Variants in ERC1 observed in about 807,000 individuals in gnomAD.
The protein encoded by ERC1 is RAB6 interacting protein 2.
ERC1 carries 56 observed loss-of-function variants against 132.0 expected under a neutral mutation model. The observed-to-expected ratio is 0.42, with a 90% CI of 0.34 to 0.53. The LOEUF is 0.53. Ranked by LOEUF, ERC1 falls within the 20% of genes least tolerant of loss-of-function variation. The pLI is 0.03. For missense variants in ERC1, 1,202 were observed against 1,349.9 expected (o/e 0.89, Z 1.72); for synonymous variants, 478 against 476.1 (o/e 1.00, Z -0.05).
At chr12:1,203,472 T>G (rs952911024) in intron 12 of ERC1, among the ~76,000 whole-genome samples, 2 of 152,256 alleles carry the variant, frequency 1.3e-5, no homozygotes, top group African/African-American at 4.8e-5. Flanking sequence ...CTTGTCCTTC[T>G]TATCTGTTTT....
intron 15 of ERC1, among the ~76,000 whole-genome samples, chr12:1,323,605 A>G (rs1392987640): frequency 6.6e-6 from 1 of 152,204 alleles, no homozygotes; most frequent in African/African-American, 2.4e-5. Flanking sequence ...ACTAGAATAC[A>G]TTCACTTACA....
chr12:1,002,989 G>A (rs1962715030), intron 1 of ERC1, among the ~76,000 whole-genome samples: 1 of 150,344 alleles, frequency 6.7e-6, no homozygotes, highest in South Asian at 2.1e-4. Context: ...CGTGGCTCAT[G>A]CCTGTAATCC....
intron 14 of ERC1, among the ~76,000 whole-genome samples, chr12:1,280,243 T>C (rs748847894): frequency 3.3e-4 from 50 of 152,232 alleles, no homozygotes; most frequent in Non-Finnish European, 6.5e-4. Context: ...GGCTTCCCGC[T>C]GATTTTTATA....
intron 15 of ERC1, among the ~76,000 whole-genome samples, chr12:1,314,091 A>G (rs1289954240): frequency 6.6e-6 from 1 of 152,162 alleles, no homozygotes; most frequent in Non-Finnish European, 1.5e-5. Context: ...CATCCTGTCT[A>G]CTTCATCAGT....
chr12:1,194,065 G>A (rs1955990153), intron 12 of ERC1, among the ~76,000 whole-genome samples: 1 of 152,140 alleles, frequency 6.6e-6, no homozygotes, highest in South Asian at 2.1e-4. Flanking sequence ...CCTAAAATGA[G>A]CATATTAGAG....
At chr12:1,323,172 A>T (rs1463491148) in intron 15 of ERC1, among the ~76,000 whole-genome samples, 2 of 95,838 alleles carry the variant, frequency 2.1e-5, no homozygotes, top group Non-Finnish European at 5.6e-5. Flanking sequence ...TTTGGACGTA[A>T]GTGTGCAATG....
Position 1,151,465 on chromosome 12 carries a change from A to G in ERC1, c.1737+9678A>G, listed in dbSNP as rs562033684. ...ACAGATTTGATCTAAGAAAGACTCA[A>G]TGCAAGAAATCCCTGTTATATTCCA... On this transcript the variant is annotated intron_variant, in intron 8 of 18. Coordinates refer to ENST00000360905, the MANE Select transcript of ERC1 (RefSeq NM_178040.4). 3.3e-5 allele frequency among the ~76,000 whole-genome samples: 5 copies of G among 152,342 alleles called. No individual in the cohort carries two copies. In the South Asian group the frequency reaches 6.2e-4, roughly 19 times the overall value.
chr12:1,068,589 C>T (rs1041710043), intron 2 of ERC1, among the ~76,000 whole-genome samples: 7 of 129,766 alleles, frequency 5.4e-5, no homozygotes, highest in Non-Finnish European at 8.8e-5. Flanking sequence ...GTTAAAAGCC[C>T]TTGAAAAAAT....
intron 2 of ERC1, among the ~76,000 whole-genome samples, chr12:1,033,876 C>T (rs1040999746): frequency 1.3e-5 from 2 of 151,482 alleles, no homozygotes; most frequent in Non-Finnish European, 2.9e-5. Context: ...GTGATCTGCC[C>T]GCCTCAACCT....
At chr12:1,444,420 A>C in intron 17 of ERC1, 142 bp from the exon 18 acceptor site, 1 of 578,390 alleles carries the variant, frequency 1.7e-6, no homozygotes, top group Non-Finnish European at 2.9e-6. Context: ...AATCCTGAAG[A>C]TTTCAGTAGT....
In ERC1 at chr12:1,019,388, G is replaced by T. The variant is rs550761599; in HGVS notation, c.-156-8360G>T. Among the ~76,000 whole-genome samples the T allele has an allele frequency of 1.3e-4, 20 of 152,328 alleles. No individual in the cohort carries two copies. The South Asian group carries it at 3.9e-3, about 30-fold the overall frequency. ...GATCATCCTGCCTCGGGTTCCCGAA[G>T]TGCTGGGGTTATAGGTATGAGCCAC... On this transcript the variant is annotated intron_variant, in intron 1 of 18. Coordinates refer to ENST00000360905, the MANE Select transcript of ERC1 (RefSeq NM_178040.4).
intron 16 of ERC1, among the ~76,000 whole-genome samples, chr12:1,397,218 T>C (rs1371010333): frequency 6.6e-6 from 1 of 152,174 alleles, no homozygotes; most frequent in Non-Finnish European, 1.5e-5. Flanking sequence ...GAATGCAAAA[T>C]GTAGACCTCT....
intron 2 of ERC1, among the ~76,000 whole-genome samples, chr12:1,060,472 C>T (rs1973799920): frequency 1.3e-5 from 2 of 152,198 alleles, no homozygotes; most frequent in African/African-American, 4.8e-5. Flanking sequence ...TGATGGTTTC[C>T]AGTTGCATCC....
chr12:1,074,685 A>G (rs1218236201), intron 2 of ERC1, among the ~76,000 whole-genome samples: 16 of 152,196 alleles, frequency 1.1e-4, no homozygotes, highest in Admixed American at 1.0e-3. Flanking sequence ...TGTTGTCCAA[A>G]TTTTGATGTT....
At chr12:1,212,949 T>C (rs1275931439) in intron 12 of ERC1, among the ~76,000 whole-genome samples, 1 of 152,210 alleles carries the variant, frequency 6.6e-6, no homozygotes, top group African/African-American at 2.4e-5. Flanking sequence ...GAGTAGTGAA[T>C]ATGTAAAAAA....
At chr12:1,239,512 C>T (rs188195429) in intron 13 of ERC1, among the ~76,000 whole-genome samples, 47 of 152,188 alleles carry the variant, frequency 3.1e-4, no homozygotes, top group Middle Eastern at 6.8e-3. Context: ...CACTTGAGAC[C>T]AGAGTTCAAG....
intron 18 of ERC1, among the ~76,000 whole-genome samples, chr12:1,464,096 G>T (rs1347726112): frequency 6.6e-6 from 1 of 152,182 alleles, no homozygotes; most frequent in Non-Finnish European, 1.5e-5. Context: ...CTTTTACGCA[G>T]TTGCAATGAC....
intron 3 of ERC1, among the ~76,000 whole-genome samples, chr12:1,092,775 A>T (rs1264864127): frequency 6.6e-6 from 1 of 152,226 alleles, no homozygotes; most frequent in Non-Finnish European, 1.5e-5. Context: ...AGCCTGGGCA[A>T]TATGGCAAAA....
chr12:1,395,822 G>A (rs2090491246), intron 16 of ERC1, among the ~76,000 whole-genome samples: 1 of 152,020 alleles, frequency 6.6e-6, no homozygotes, highest in African/African-American at 2.4e-5. Context: ...GGGGAAAAAA[G>A]TAGTTTTCAT....
Sources: gnomAD v4.1 joint callset for allele counts (sites outside exome capture counted in the v4.1 genomes callset) on GRCh38, gnomAD v4.1.1 for gene constraint, MANE v1.5 for transcripts, NCBI Gene and HGNC (gene_info 2026-07-23, HGNC 2026-07-21) for gene names.